PCBP3: variants seen among roughly 807,000 people sequenced by gnomAD.
PCBP3 encodes poly(rC) binding protein 3.
Under a neutral mutation model 52.7 loss-of-function variants are expected in PCBP3, and 25 were observed. The ratio of observed to expected loss-of-function variants is 0.47; its 90% confidence interval spans 0.35 to 0.66. The LOEUF is 0.66. Among genes scored for constraint, PCBP3 ranks in the 30% least tolerant of loss-of-function variants. PCBP3 has a pLI of 0.01. For missense variants in PCBP3, 391 were observed against 490.3 expected, an observed-to-expected ratio of 0.80 and a Z score of 1.91; for synonymous variants, 162 against 183.0, an observed-to-expected ratio of 0.89 and a Z score of 0.93.
intron 17 of PCBP3, 112 bp downstream of exon 17, chr21:45,940,311 T>G (rs2077321160): frequency 3.5e-6 from 3 of 868,760 alleles, no homozygotes; most frequent in South Asian, 1.7e-5. Context: ...GGCCACACTC[T>G]GCCTCCCCTT....
chr21:45,898,906 G>GGCCCCTCTGC (rs1302881625), intron 6 of PCBP3, among the ~76,000 whole-genome samples: 2 of 141,990 alleles, frequency 1.4e-5, no homozygotes, highest in Admixed American at 6.9e-5. Context: ...TTTTTCCACA[G>GGCCCCTCTGC]ACCCCTCTGC....
chr21:45,773,568 G>A (rs1363791664), intron 4 of PCBP3, among the ~76,000 whole-genome samples: 1 of 152,070 alleles, frequency 6.6e-6, no homozygotes, highest in Admixed American at 6.5e-5. Flanking sequence ...TTTTATTTCT[G>A]GGTTCTCTAT....
At chr21:45,771,079 G>T (rs750512194) in intron 4 of PCBP3, among the ~76,000 whole-genome samples, 1 of 152,260 alleles carries the variant, frequency 6.6e-6, no homozygotes, top group African/African-American at 2.4e-5. Context: ...TGTCCTGGCC[G>T]GAAGGCCTGC....
chr21:45,820,146 CT>C (rs2093087407), intron 4 of PCBP3, among the ~76,000 whole-genome samples: 1 of 152,370 alleles, frequency 6.6e-6, no homozygotes, highest in Admixed American at 6.5e-5. Flanking sequence ...TGGCGCTGGC[CT>C]TTTCCTGGCT....
chr21:45,820,437 G>C (rs1414393029), intron 4 of PCBP3, among the ~76,000 whole-genome samples: 3 of 152,258 alleles, frequency 2.0e-5, no homozygotes, highest in African/African-American at 7.2e-5. Context: ...CAGCTTGGCT[G>C]CTGTTCTCCC....
chr21:45,850,767 C>T (rs1350842450), intron 5 of PCBP3, among the ~76,000 whole-genome samples: 2 of 152,188 alleles, frequency 1.3e-5, no homozygotes, highest in African/African-American at 4.8e-5. Flanking sequence ...ATGTACAGTA[C>T]TAGGATGTGT....
chr21:45,800,939 A>G lies in PCBP3; in HGVS notation c.-126+45487A>G, dbSNP rs780639102. On this transcript the variant is annotated intron_variant, in intron 4 of 17. Coordinates refer to ENST00000681687, the MANE Select transcript of PCBP3 (RefSeq NM_001384156.1). The surrounding 1 kb of genome is among the most constrained non-coding windows in gnomAD (Gnocchi z 5.3). ...CTCCCAGGAGATGGGGTGCCTGAGC[A>G]TGGGGTTCCCGCCTCCTCCAGGACT... Among the ~76,000 whole-genome samples the G allele has an allele frequency of 6.6e-6, 1 of 152,054 alleles. No individual in the cohort carries two copies. Among genetic ancestry groups the G allele is most frequent in the Non-Finnish European group, 1.5e-5 (1 of 68,012 alleles).
In PCBP3 at chr21:45,909,610, C is replaced by T. The variant is rs2096286188; in HGVS notation, c.471+124C>T. The T allele has an allele frequency of 5.8e-6, 5 of 865,218 alleles. No homozygotes were observed. In the East Asian group the frequency reaches 1.3e-4, roughly 23 times the overall value. 53.6% of individuals were successfully genotyped at this position (865,218 alleles called of 1,614,324 possible). Reference sequence around the variant, plus strand: ...GTCTGCAAGCCCAATGCTGGCCACGCAGACCCCACAGCTCAAAGTGCGAGA... The same window carrying T: ...GTCTGCAAGCCCAATGCTGGCCACGTAGACCCCACAGCTCAAAGTGCGAGA... On this transcript the variant is annotated intron_variant, in intron 10 of 17. Coordinates refer to ENST00000681687, the MANE Select transcript of PCBP3 (RefSeq NM_001384156.1).
At chr21:45,772,030 C>T (rs775202214) in intron 4 of PCBP3, among the ~76,000 whole-genome samples, 6 of 152,068 alleles carry the variant, frequency 3.9e-5, no homozygotes, top group Non-Finnish European at 8.8e-5. Context: ...TTATGGGACA[C>T]GTGAAATTTT....
chr21:45,917,846 T>C lies in PCBP3; in HGVS notation c.717+217T>C. ...GTTGAGGACTTGGCCTGATGTCAAA[T>C]TGTCTCAATTCTGCCGCAGTCCTGG... On this transcript the variant is annotated intron_variant, in intron 13 of 17. Coordinates refer to ENST00000681687, the MANE Select transcript of PCBP3 (RefSeq NM_001384156.1). This position sits in a 1 kb window ranked among gnomAD's most constrained non-coding sequence, Gnocchi z 5.3. The C allele has an allele frequency of 3.4e-6, 2 of 584,852 alleles. No individual in the cohort carries two copies. The highest frequency in any genetic ancestry group is 1.8e-5 in the South Asian group (1 of 55,442). The allele number at this position is 584,852 out of a possible 1,614,324, so 36.2% of individuals were successfully genotyped here. A position where few individuals can be genotyped will look rare whatever the true frequency, so the allele number is the denominator to read the frequency against.
chr21:45,780,040 A>C (rs2090521252), intron 4 of PCBP3, among the ~76,000 whole-genome samples: 1 of 152,242 alleles, frequency 6.6e-6, no homozygotes, highest in African/African-American at 2.4e-5. Flanking sequence ...TTTTTAAACA[A>C]ATGGTCCTGG....
Position 45,911,048 on chromosome 21 carries a change from G to A in PCBP3, c.600+18G>A. 1 of 1,606,504 alleles carries A rather than the reference G, an allele frequency of 6.2e-7. No homozygotes were observed. The highest frequency in any genetic ancestry group is 8.5e-7 in the Non-Finnish European group (1 of 1,179,792). ...TGCTGGAGGTACCGTCTGCGCGCCA[G>A]GGCCAGCCCACGTCAGTGCTGGATT... On this transcript the variant is annotated intron_variant, in intron 11 of 17. Coordinates refer to ENST00000681687, the MANE Select transcript of PCBP3 (RefSeq NM_001384156.1).
chr21:45,765,043 A>G (rs2145619757), intron 4 of PCBP3, among the ~76,000 whole-genome samples: 1 of 152,352 alleles, frequency 6.6e-6, no homozygotes, highest in Non-Finnish European at 1.5e-5. Flanking sequence ...GTGTGAGTAC[A>G]GCCCATAGAA....
chr21:45,924,599 GATC>G (rs1388205630), intron 13 of PCBP3, among the ~76,000 whole-genome samples: 96 of 45,220 alleles, frequency 2.1e-3, no homozygotes, highest in South Asian at 3.6e-3. Flanking sequence ...GCACACGTAA[GATC>G]GGGTGTGCGT....
chr21:45,801,495 G>GCT (rs2092303635), intron 4 of PCBP3, among the ~76,000 whole-genome samples: 1 of 152,238 alleles, frequency 6.6e-6, no homozygotes, highest in Non-Finnish European at 1.5e-5. Context: ...TGGTACATTT[G>GCT]CTCTTCTTGA....
intron 2 of PCBP3, among the ~76,000 whole-genome samples, chr21:45,717,422 G>A (rs2084299599): frequency 6.6e-6 from 1 of 152,146 alleles, no homozygotes; most frequent in Non-Finnish European, 1.5e-5. Context: ...CATCTTAGGG[G>A]AAAAGCTTTC....
chr21:45,842,924 T>C (rs1041066446), intron 4 of PCBP3, among the ~76,000 whole-genome samples: 1 of 152,212 alleles, frequency 6.6e-6, no homozygotes, highest in Non-Finnish European at 1.5e-5. Context: ...AATAGGTTCC[T>C]CCTTTCCCAT....
At chr21:45,846,625 G>C (rs145622825) in intron 4 of PCBP3, among the ~76,000 whole-genome samples, 26 of 152,286 alleles carry the variant, frequency 1.7e-4, no homozygotes, top group African/African-American at 5.8e-4. Flanking sequence ...TTAGGTTTCT[G>C]TTTCTTTCCC....
chr21:45,767,856 G>T (rs1292910206), intron 4 of PCBP3, among the ~76,000 whole-genome samples: 2 of 152,252 alleles, frequency 1.3e-5, no homozygotes, highest in Non-Finnish European at 2.9e-5. Context: ...GAGAGGAGGG[G>T]GCCTGTGCTG....
Sources: allele counts gnomAD v4.1 joint callset (sites outside exome capture counted in the v4.1 genomes callset), GRCh38; gene constraint gnomAD v4.1.1; non-coding constraint Gnocchi (gnomAD v3.1); transcripts MANE v1.5; gene names NCBI Gene and HGNC (gene_info 2026-07-23, HGNC 2026-07-21).